The following SIDT1 variants were observed in gnomAD, a reference collection of about 807,000 sequenced individuals.
SIDT1 encodes SID1 transmembrane family member 1.
In SIDT1, 101 loss-of-function variants were observed where a neutral mutation model predicts 107.5. The ratio of observed to expected loss-of-function variants is 0.94; its 90% CI spans 0.80 to 1.11. SIDT1 has a LOEUF of 1.11. Among genes scored for constraint, SIDT1 ranks in the 50% least tolerant of loss-of-function variants. The pLI, the probability that SIDT1 is intolerant of heterozygous loss-of-function variation, is 0.00. For missense variants in SIDT1, 1,076 were observed against 1,058.2 expected, an observed-to-expected ratio of 1.02 and a Z score of -0.23; for synonymous variants, 395 against 398.2, an observed-to-expected ratio of 0.99 and a Z score of 0.10.
At position 113,566,487 on chromosome 3, in the gene SIDT1, T is replaced by A. The variant is rs142442074; in HGVS notation, c.290T>A (p.Val97Asp). ...CTCAACTACCCGGTCCTTGTTGTGG[T>A]TCGCCAGCAGAAAGAGGTGCTGTCC... is the stretch of plus-strand genomic sequence containing the variant. The part of the protein sequence containing the change: ...ENLNYPVLVV[V>D]RQQKEVLSWQ... Residue 97 changes from valine to aspartate, a missense_variant, in exon 2 of 25, where the codon GTT (valine) becomes GAT (aspartate). Transcript: ENST00000264852. The A allele has an allele frequency of 6.8e-6, 11 of 1,614,192 alleles. No individual in the cohort carries two copies. The East Asian group carries it at 2.5e-4, about 36-fold the overall frequency.
At chr3:113,590,899 C>G (rs75541897) in intron 9 of SIDT1, among the ~76,000 whole-genome samples, 5,112 of 152,194 alleles carry the variant, frequency 0.034, 122 homozygotes, top group Middle Eastern at 0.068. Flanking sequence ...TAATGGTCCC[C>G]AAAAGAATTC....
In SIDT1 at chr3:113,540,234, G is replaced by A. The variant is rs370894440; in HGVS notation, c.222+6991G>A. Reference sequence around the variant, plus strand: ...AAAGTGATAACTTACTCATTACCACGAGGAAACAGGTGGCACCAACATATT... The same window carrying A: ...AAAGTGATAACTTACTCATTACCACAAGGAAACAGGTGGCACCAACATATT... On this transcript the variant is annotated intron_variant, in intron 1 of 24. Transcript: ENST00000264852. Among the ~76,000 whole-genome samples, 160 of 152,178 alleles carry A rather than the reference G, an allele frequency of 1.1e-3. 3 individuals carry two copies. In the South Asian group the frequency reaches 0.032, roughly 30 times the overall value.
intron 17 of SIDT1, among the ~76,000 whole-genome samples, chr3:113,609,698 T>G (rs1945604028): frequency 6.6e-6 from 1 of 152,232 alleles, no homozygotes; most frequent in South Asian, 2.1e-4. Flanking sequence ...TGGTGTTAAC[T>G]CTGAGCACCA....
chr3:113,533,227 C>A lies in SIDT1; in HGVS notation c.206C>A (p.Thr69Asn), dbSNP rs745995133. 6 of 1,490,018 alleles carry A rather than the reference C, an allele frequency of 4.0e-6. No homozygotes were observed. Among genetic ancestry groups the A allele is most frequent in the Non-Finnish European group, 5.4e-6 (6 of 1,115,198 alleles). The allele number at this position is 1,490,018 out of a possible 1,614,324, so 92.3% of individuals were successfully genotyped here. Residue 69 changes from threonine (T) to asparagine (N), a missense_variant, in exon 1 of 25, where the codon ACC becomes AAC. Thr to Asn is a moderately conservative substitution (Grantham distance 65, BLOSUM62 0). Transcript: ENST00000264852. ...GAGAACATCTACTCTTTCAACTACA[C>A]CAGCCAGCCCGACCAGGTAAGACAC... ...STENIYSFNY[T>N]SQPDQVTAVR...
intron 24 of SIDT1, among the ~76,000 whole-genome samples, chr3:113,626,687 G>C (rs1381105116): frequency 6.6e-6 from 1 of 152,076 alleles, no homozygotes; most frequent in African/African-American, 2.4e-5. Context: ...CTTCTGACCA[G>C]TCTGTCCCAA....
rs537862003 is a variant in SIDT1, at chr3:113,615,094, C to A, written c.1967-1006C>A. 809 of 1,535,554 alleles carry A rather than the reference C, an allele frequency of 5.3e-4. 16 individuals carry two copies. The South Asian group carries it at 9.2e-3, about 17-fold the overall frequency. On this transcript the variant is annotated intron_variant, in intron 19 of 24. Coordinates refer to ENST00000264852, the MANE Select transcript of SIDT1 (RefSeq NM_017699.3). The stretch of plus-strand genomic sequence containing the variant: ...CTGACACAGGTAATGTTCAGCCACC[C>A]TTTCCAGGGGTCTAGATTGTTTTTG...
intron 1 of SIDT1, 24 bp downstream of exon 1, chr3:113,533,267 C>T: frequency 2.1e-6 from 3 of 1,418,360 alleles, no homozygotes; most frequent in Non-Finnish European, 2.8e-6. Context: ...TCCCCTCGCT[C>T]GACTCCTAGA....
intron 1 of SIDT1, among the ~76,000 whole-genome samples, chr3:113,534,077 GAGAGAGAA>G (rs1053347889): frequency 5.9e-5 from 9 of 152,138 alleles, no homozygotes; most frequent in African/African-American, 4.8e-5. Flanking sequence ...GAGGGAGACA[GAGAGAGAA>G]AGAGAGAAAG....
chr3:113,595,820 C>A (rs1032310139), intron 10 of SIDT1, among the ~76,000 whole-genome samples: 1 of 152,150 alleles, frequency 6.6e-6, no homozygotes, highest in Non-Finnish European at 1.5e-5. Context: ...CCCCCAATGT[C>A]ATGACCACTG....
At chr3:113,586,340 A>T (rs1227805795) in intron 9 of SIDT1, among the ~76,000 whole-genome samples, 1 of 152,256 alleles carries the variant, frequency 6.6e-6, no homozygotes, top group East Asian at 1.9e-4. Flanking sequence ...GTGGATACAC[A>T]TTCAGCAATT....
At chr3:113,620,941 C>T (rs1946424996) in intron 21 of SIDT1, among the ~76,000 whole-genome samples, 1 of 152,172 alleles carries the variant, frequency 6.6e-6, no homozygotes, top group Admixed American at 6.5e-5. Context: ...AGGCAAATGG[C>T]CTCTCTTCAC....
chr3:113,559,822 T>C (rs567589091), intron 1 of SIDT1, among the ~76,000 whole-genome samples: 14 of 152,302 alleles, frequency 9.2e-5, no homozygotes, highest in African/African-American at 3.4e-4. Context: ...AGGGTCCTTA[T>C]ATATTCAAGA....
chr3:113,538,157 T>C (rs1168829414), intron 1 of SIDT1, among the ~76,000 whole-genome samples: 3 of 152,208 alleles, frequency 2.0e-5, no homozygotes. Context: ...AAAGGCCCTA[T>C]TTTCAAATCC....
At position 113,619,673 on chromosome 3, in the gene SIDT1, T is replaced by C. The variant is rs1172402339; in HGVS notation, c.2044-7T>C. 20 of 1,613,916 alleles carry C rather than the reference T, an allele frequency of 1.2e-5. No individual in the cohort carries two copies. The highest frequency in any genetic ancestry group is 1.7e-4 in the Middle Eastern group (1 of 6,060). On this transcript the variant is annotated splice_region_variant and splice_polypyrimidine_tract_variant and intron_variant, in intron 20 of 24. Transcript: ENST00000264852. ...TCTCATTTGATGTTTTCTTTCCTCTTTTCCAGGATAGAATGGTGTTGCTGG... is the reference window on the plus strand; with the variant it reads ...TCTCATTTGATGTTTTCTTTCCTCTCTTCCAGGATAGAATGGTGTTGCTGG...
At chr3:113,533,773 G>A (rs146183174) in intron 1 of SIDT1, among the ~76,000 whole-genome samples, 4 of 152,298 alleles carry the variant, frequency 2.6e-5, no homozygotes, top group East Asian at 1.9e-4. Flanking sequence ...CACTTCCTGC[G>A]TTTTTGTGCC....
chr3:113,605,327 T>C (rs2107684744), intron 14 of SIDT1, among the ~76,000 whole-genome samples: 1 of 152,130 alleles, frequency 6.6e-6, no homozygotes, highest in Non-Finnish European at 1.5e-5. Flanking sequence ...GGTTTCACCA[T>C]GTTGACCAGG....
At chr3:113,612,498 A>G in intron 19 of SIDT1, 2 of 480,436 alleles carry the variant, frequency 4.2e-6, no homozygotes, top group Non-Finnish European at 8.1e-6. Flanking sequence ...TTTGACTTGT[A>G]TTAGAGAATG....
At chr3:113,603,350 G>A (rs772599235) in intron 12 of SIDT1, among the ~76,000 whole-genome samples, 200 bp downstream of exon 12, 40 of 152,038 alleles carry the variant, frequency 2.6e-4, no homozygotes, top group Admixed American at 1.3e-4. Context: ...AAGAAAGTGA[G>A]CACATTAAAG....
intron 3 of SIDT1, among the ~76,000 whole-genome samples, 173 bp from the exon 4 acceptor site, chr3:113,576,749 C>A (rs1942933867): frequency 6.6e-6 from 1 of 152,220 alleles, no homozygotes; most frequent in South Asian, 2.1e-4. Context: ...ACCACCAAGT[C>A]CCCATGCAGT....
Sources: gnomAD v4.1 joint callset for allele counts (sites outside exome capture counted in the v4.1 genomes callset) on GRCh38, gnomAD v4.1.1 for gene constraint, MANE v1.5 for transcripts, NCBI Gene and HGNC (gene_info 2026-07-23, HGNC 2026-07-21) for gene names.